CPNE4: variants seen among roughly 807,000 people sequenced by gnomAD.
CPNE4 encodes the protein copine-4.
CPNE4 carries 25 observed loss-of-function variants against 67.9 expected under a neutral mutation model. The observed-to-expected ratio is 0.37, with a 90% CI of 0.27 to 0.51. CPNE4 has a LOEUF of 0.51. Ranked by LOEUF, CPNE4 falls within the 20% of genes least tolerant of loss-of-function variation. The probability of loss-of-function intolerance (pLI) is 0.93; values close to 1 mark genes in which losing one functional copy is unlikely to be tolerated. For missense variants in CPNE4, 464 were observed against 690.8 expected (o/e 0.67, Z 3.68); for synonymous variants, 242 against 244.9 (o/e 0.99, Z 0.11).
rs550022201 is a variant in CPNE4, at chr3:131,830,184, C to G, written c.180+75080G>C. 5.3e-5 allele frequency among the ~76,000 whole-genome samples: 8 copies of G among 152,256 alleles called. No homozygotes were observed. The South Asian group carries it at 1.7e-3, about 32-fold the overall frequency. On this transcript the variant is annotated intron_variant, in intron 2 of 15. Coordinates refer to ENST00000429747, the MANE Select transcript of CPNE4 (RefSeq NM_130808.3). The stretch of plus-strand genomic sequence containing the variant: ...CTCCAATGCTCCATCCTGCACTGTC[C>G]TCTTGTTCTTACACACTCCATATCC...
At chr3:131,650,736 C>T (rs2079793120) in intron 7 of CPNE4, among the ~76,000 whole-genome samples, 1 of 77,746 alleles carries the variant, frequency 1.3e-5, no homozygotes. Context: ...CAGAGCAAGA[C>T]TCCGTCTCAA....
At chr3:131,834,297 A>T (rs1260077209) in intron 2 of CPNE4, among the ~76,000 whole-genome samples, 1 of 152,060 alleles carries the variant, frequency 6.6e-6, no homozygotes, top group Non-Finnish European at 1.5e-5. Flanking sequence ...TGTGTTTCTT[A>T]TTTCTTTTGT....
chr3:131,903,442 C>T (rs939337916), intron 2 of CPNE4, among the ~76,000 whole-genome samples: 1 of 151,954 alleles, frequency 6.6e-6, no homozygotes, highest in African/African-American at 2.4e-5. Context: ...TAAAATCAGT[C>T]CTTATCCAAT....
intron 7 of CPNE4, among the ~76,000 whole-genome samples, chr3:131,638,851 C>G (rs1012855363): frequency 6.6e-6 from 1 of 152,038 alleles, no homozygotes; most frequent in Non-Finnish European, 1.5e-5. Context: ...AAAATTGGAA[C>G]TCAACTCCAA....
At chr3:131,741,439 C>A (rs186413884) in intron 2 of CPNE4, among the ~76,000 whole-genome samples, 2 of 152,030 alleles carry the variant, frequency 1.3e-5, no homozygotes, top group East Asian at 3.9e-4. Context: ...AGGGAATTCT[C>A]ATAACAGTCT....
chr3:132,010,393 T>A (rs568548114), intron 1 of CPNE4, among the ~76,000 whole-genome samples: 1 of 151,662 alleles, frequency 6.6e-6, no homozygotes. Context: ...AACGCTTCAA[T>A]AATCTGAGGA....
At chr3:131,977,078 G>A (rs1393329571) in intron 1 of CPNE4, among the ~76,000 whole-genome samples, 1 of 152,128 alleles carries the variant, frequency 6.6e-6, no homozygotes, top group Non-Finnish European at 1.5e-5. Context: ...GGGATTACAG[G>A]CATGAGCCAC....
At chr3:132,017,919 A>T (rs776924118) in intron 1 of CPNE4, among the ~76,000 whole-genome samples, 5 of 152,132 alleles carry the variant, frequency 3.3e-5, no homozygotes, top group Admixed American at 6.5e-5. Context: ...GCACACAGCC[A>T]TGCCTCCCTC....
chr3:132,034,792 T>C lies in CPNE4; in HGVS notation c.-227A>G. The C allele has an allele frequency of 1.0e-6, 1 of 985,066 alleles. No homozygotes were observed. Among genetic ancestry groups the C allele is most frequent in the South Asian group, 4.7e-5 (1 of 21,234 alleles). The allele number at this position is 985,066 out of a possible 1,614,324, so 61.0% of individuals were successfully genotyped here. A position where few individuals can be genotyped will look rare whatever the true frequency, so the allele number is the denominator to read the frequency against. On this transcript the variant is annotated 5_prime_UTR_variant, in exon 1 of 16. Coordinates refer to ENST00000429747, the MANE Select transcript of CPNE4 (RefSeq NM_130808.3). The stretch of plus-strand genomic sequence containing the variant: ...CAGAGTTCGGTCTCTCCGGAAACCC[T>C]GACTCCATTCTCGGTGATGGGGGTG...
chr3:131,698,784 C>T (rs2081222524), intron 4 of CPNE4, among the ~76,000 whole-genome samples: 1 of 151,674 alleles, frequency 6.6e-6, no homozygotes, highest in African/African-American at 2.4e-5. Context: ...GTGGTGGGCA[C>T]CTGTAATCCC....
At chr3:132,037,821 A>T (rs1455679340), upstream of CPNE4, 18 of 541,040 alleles carry the variant, frequency 3.3e-5, no homozygotes, top group Non-Finnish European at 6.0e-5. Context: ...AGGGAACAAA[A>T]GGGAAGAAAT....
chr3:131,678,879 G>A lies in CPNE4; in HGVS notation c.591+6996C>T, dbSNP rs141444276. ...CATCAGTGTTCATCAAGGATATTAC[G>A]CTGAAGTTTTCTTTTTTTGTTGTTG... On this transcript the variant is annotated intron_variant, in intron 6 of 15. Transcript: ENST00000429747. 3.3e-3 allele frequency among the ~76,000 whole-genome samples: 508 copies of A among 152,192 alleles called. 4 individuals are homozygous for A. Among genetic ancestry groups the A allele is most frequent in the African/African-American group, 0.011 (468 of 41,536 alleles).
chr3:131,632,154 C>T lies in CPNE4; in HGVS notation c.681+37521G>A, dbSNP rs1181505844. ...CCTCCCGAGTAGCTGGGATTACAGG[C>T]GTGCACCACCATGCCTGGCTAATTT... is the stretch of plus-strand genomic sequence containing the variant. On this transcript the variant is annotated intron_variant, in intron 7 of 15. Transcript: ENST00000429747. Among the ~76,000 whole-genome samples the T allele has an allele frequency of 2.6e-5, 4 of 151,636 alleles. No homozygotes were observed. The South Asian group carries it at 8.3e-4, about 32-fold the overall frequency.
intron 2 of CPNE4, among the ~76,000 whole-genome samples, chr3:131,872,359 C>T (rs771310556): frequency 7.9e-5 from 12 of 152,092 alleles, no homozygotes; most frequent in African/African-American, 1.2e-4. Context: ...AGTCTGACGA[C>T]CAGCTGGTCC....
intron 1 of CPNE4, among the ~76,000 whole-genome samples, chr3:132,018,945 T>C (rs1045815041): frequency 6.6e-6 from 1 of 152,230 alleles, no homozygotes; most frequent in Non-Finnish European, 1.5e-5. Context: ...ATTAGGGCGA[T>C]GCACTTGAGC....
chr3:131,815,008 A>G (rs901726466), intron 2 of CPNE4, among the ~76,000 whole-genome samples: 5 of 152,216 alleles, frequency 3.3e-5, no homozygotes, highest in Admixed American at 3.3e-4. Flanking sequence ...GGCCAACACC[A>G]TTTTAAGAGA....
At chr3:131,682,521 A>G (rs1312164733) in intron 6 of CPNE4, among the ~76,000 whole-genome samples, 1 of 152,032 alleles carries the variant, frequency 6.6e-6, no homozygotes, top group Non-Finnish European at 1.5e-5. Flanking sequence ...AGCTGCCTGG[A>G]GTTAAAGGTG....
intron 2 of CPNE4, among the ~76,000 whole-genome samples, chr3:131,898,556 G>A (rs1392298383): frequency 6.6e-6 from 1 of 152,090 alleles, no homozygotes; most frequent in Admixed American, 6.6e-5. Context: ...CCCTTCTTGT[G>A]TAATTCTGTT....
chr3:131,914,199 A>G (rs2107794948), intron 1 of CPNE4, among the ~76,000 whole-genome samples: 1 of 152,308 alleles, frequency 6.6e-6, no homozygotes, highest in Non-Finnish European at 1.5e-5. Flanking sequence ...TCCAGCCACA[A>G]AGTGGTAAAG....
Sources: allele counts gnomAD v4.1 joint callset (sites outside exome capture counted in the v4.1 genomes callset), GRCh38; gene constraint gnomAD v4.1.1; transcripts MANE v1.5; gene names NCBI Gene and HGNC (gene_info 2026-07-23, HGNC 2026-07-21).